CLSTN2: variants seen among roughly 807,000 people sequenced by gnomAD.
The protein encoded by CLSTN2 is calsyntenin-2.
In CLSTN2, 48 loss-of-function variants were observed where a neutral mutation model predicts 101.2. The observed-to-expected ratio is 0.47, with a 90% CI of 0.38 to 0.60. The LOEUF (loss-of-function observed/expected upper bound fraction) is 0.60, where lower values mean the gene tolerates loss of function less well. Among genes scored for constraint, CLSTN2 ranks in the 20% least tolerant of loss-of-function variants. The pLI, the probability that CLSTN2 is intolerant of heterozygous loss-of-function variation, is 0.00. For missense variants in CLSTN2, 1,160 were observed against 1,238.2 expected (o/e 0.94, Z 0.95); for synonymous variants, 481 against 463.6 (o/e 1.04, Z -0.48).
intron 2 of CLSTN2, among the ~76,000 whole-genome samples, chr3:140,308,920 C>T (rs2087138725): frequency 6.6e-6 from 1 of 152,210 alleles, no homozygotes; most frequent in African/African-American, 2.4e-5. Context: ...CATTTCCTAA[C>T]TGGACTGTCC....
intron 1 of CLSTN2, among the ~76,000 whole-genome samples, chr3:140,138,869 C>T (rs965411604): frequency 6.6e-6 from 1 of 152,148 alleles, no homozygotes; most frequent in African/African-American, 2.4e-5. Flanking sequence ...TTTTAAGAGG[C>T]AGTGTCGGCA....
intron 8 of CLSTN2, among the ~76,000 whole-genome samples, chr3:140,477,873 T>A (rs1559881804): frequency 6.6e-6 from 1 of 152,180 alleles, no homozygotes; most frequent in Non-Finnish European, 1.5e-5. Context: ...TGTGAACATG[T>A]CTACATGGTT....
At chr3:140,459,851 C>A in intron 7 of CLSTN2, 82 bp downstream of exon 7, 4 of 1,482,840 alleles carry the variant, frequency 2.7e-6, no homozygotes, top group Non-Finnish European at 3.7e-6. Flanking sequence ...ATGGACACAG[C>A]CAAGGAGGAT....
intron 9 of CLSTN2, among the ~76,000 whole-genome samples, chr3:140,541,438 G>T (rs1465978220): frequency 6.6e-6 from 1 of 152,186 alleles, no homozygotes; most frequent in Non-Finnish European, 1.5e-5. Context: ...GATTTGCAAA[G>T]TGCTAGAGTT....
chr3:140,171,210 G>A (rs964540179), intron 1 of CLSTN2, among the ~76,000 whole-genome samples: 1 of 152,144 alleles, frequency 6.6e-6, no homozygotes, highest in Non-Finnish European at 1.5e-5. Flanking sequence ...CCATAATGAA[G>A]CATCAGTCCG....
intron 1 of CLSTN2, among the ~76,000 whole-genome samples, chr3:139,986,113 T>C (rs1276929623): frequency 1.3e-5 from 2 of 152,186 alleles, no homozygotes; most frequent in Non-Finnish European, 2.9e-5. Context: ...GGGAGGCAGA[T>C]TGGGCATGTT....
intron 2 of CLSTN2, among the ~76,000 whole-genome samples, chr3:140,233,283 G>A (rs1878981): frequency 0.039 from 5,933 of 152,130 alleles, 356 homozygotes; most frequent in African/African-American, 0.13. Flanking sequence ...GGTCGACTCC[G>A]CATTCGCCAA....
intron 1 of CLSTN2, among the ~76,000 whole-genome samples, chr3:140,068,679 A>C (rs771986477): frequency 1.3e-5 from 2 of 152,254 alleles, no homozygotes; most frequent in Non-Finnish European, 2.9e-5. Flanking sequence ...TTTCTGATGG[A>C]GTGGACAGTG....
At chr3:140,203,551 C>T (rs1474508227) in intron 2 of CLSTN2, among the ~76,000 whole-genome samples, 1 of 126,300 alleles carries the variant, frequency 7.9e-6, no homozygotes, top group African/African-American at 3.0e-5. Context: ...AAAATGTTAG[C>T]TCTTTTCCTG....
At chr3:140,513,080 T>C (rs114611722) in intron 8 of CLSTN2, among the ~76,000 whole-genome samples, 6,366 of 151,794 alleles carry the variant, frequency 0.042, 445 homozygotes, top group African/African-American at 0.14. Flanking sequence ...TTGACTTCCT[T>C]TCTATTTAAA....
intron 2 of CLSTN2, among the ~76,000 whole-genome samples, chr3:140,287,293 A>T (rs915129160): frequency 5.3e-5 from 8 of 152,218 alleles, no homozygotes; most frequent in African/African-American, 1.9e-4. Flanking sequence ...CACATCGCAT[A>T]TGATTCCATT....
chr3:140,312,144 C>T (rs2087175202), intron 2 of CLSTN2, among the ~76,000 whole-genome samples: 1 of 152,224 alleles, frequency 6.6e-6, no homozygotes, highest in South Asian at 2.1e-4. Flanking sequence ...CCAGGATATG[C>T]ATCTAAGGTC....
intron 1 of CLSTN2, among the ~76,000 whole-genome samples, chr3:139,983,424 T>A (rs750774876): frequency 6.6e-6 from 1 of 152,098 alleles, no homozygotes; most frequent in African/African-American, 2.4e-5. Flanking sequence ...AGAAAAGAGC[T>A]TTTTCCTTAA....
At chr3:140,201,308 A>G (rs773264683) in intron 2 of CLSTN2, among the ~76,000 whole-genome samples, 2 of 152,156 alleles carry the variant, frequency 1.3e-5, no homozygotes, top group Non-Finnish European at 2.9e-5. Flanking sequence ...AGAGCAGGAA[A>G]GCCTGGAGCA....
At chr3:140,273,902 G>A (rs2086767970) in intron 2 of CLSTN2, among the ~76,000 whole-genome samples, 1 of 152,132 alleles carries the variant, frequency 6.6e-6, no homozygotes, top group South Asian at 2.1e-4. Flanking sequence ...ATTTCAAAGG[G>A]GACAGGACTG....
At chr3:140,203,105 G>T (rs770823752) in intron 2 of CLSTN2, among the ~76,000 whole-genome samples, 1 of 152,120 alleles carries the variant, frequency 6.6e-6, no homozygotes, top group Non-Finnish European at 1.5e-5. Flanking sequence ...AATGTGTCGT[G>T]GGCAAGAAAC....
intron 2 of CLSTN2, among the ~76,000 whole-genome samples, chr3:140,345,134 C>T (rs971298310): frequency 6.6e-6 from 1 of 152,104 alleles, no homozygotes; most frequent in Non-Finnish European, 1.5e-5. Context: ...CCTTTTGTTT[C>T]CCTCATTTTT....
intron 1 of CLSTN2, among the ~76,000 whole-genome samples, chr3:140,096,020 A>G (rs1260474550): frequency 6.6e-6 from 1 of 152,140 alleles, no homozygotes; most frequent in Non-Finnish European, 1.5e-5. Flanking sequence ...AAATTTAAGG[A>G]CACTGGATGA....
In CLSTN2 at chr3:140,203,478, T is replaced by G. The variant is rs964204552; in HGVS notation, c.232+27405T>G. 2.8e-3 allele frequency among the ~76,000 whole-genome samples: 412 copies of G among 145,916 alleles called. 2 individuals carry two copies. Among genetic ancestry groups the G allele is most frequent in the African/African-American group, 9.2e-3 (364 of 39,738 alleles). The stretch of plus-strand genomic sequence containing the variant: ...AAGTGTGGGTTTTTTTTTTTTTTTT[T>G]TTTTTTTTTTTTTGGTTTTTAAGAT... On this transcript the variant is annotated intron_variant, in intron 2 of 16. Coordinates refer to ENST00000458420, the MANE Select transcript of CLSTN2 (RefSeq NM_022131.3).
Sources: allele counts gnomAD v4.1 joint callset (sites outside exome capture counted in the v4.1 genomes callset), GRCh38; gene constraint gnomAD v4.1.1; transcripts MANE v1.5; gene names NCBI Gene and HGNC (gene_info 2026-07-23, HGNC 2026-07-21).